KCNH8: variants seen among roughly 807,000 people sequenced by gnomAD.
The protein encoded by KCNH8 is voltage-gated delayed rectifier potassium channel KCNH8.
Under a neutral mutation model 103.6 loss-of-function variants are expected in KCNH8, and 70 were observed. The observed-to-expected ratio is 0.68, with a 90% confidence interval of 0.56 to 0.82. KCNH8 has a LOEUF of 0.82. Ranked by LOEUF, KCNH8 falls within the 40% of genes least tolerant of loss-of-function variation. The pLI is 0.00. For synonymous variants in KCNH8, 498 were observed against 489.4 expected (o/e 1.02, Z -0.23); for missense variants, 1,217 against 1,329.9 (o/e 0.92, Z 1.32).
intron 1 of KCNH8, among the ~76,000 whole-genome samples, chr3:19,240,387 C>T (rs947262903): frequency 2.6e-5 from 4 of 151,918 alleles, no homozygotes; most frequent in East Asian, 1.9e-4. Flanking sequence ...CCGAGGTGAG[C>T]GGATCGCCTG....
At chr3:19,305,211 A>G (rs2065114910) in intron 3 of KCNH8, among the ~76,000 whole-genome samples, 1 of 152,172 alleles carries the variant, frequency 6.6e-6, no homozygotes. Flanking sequence ...TAAAAATTCT[A>G]AATGAGTATG....
At chr3:19,438,396 A>C (rs755397322) in intron 8 of KCNH8, 35 bp downstream of exon 8, 1 of 1,536,506 alleles carries the variant, frequency 6.5e-7, no homozygotes, top group Admixed American at 1.8e-5. Flanking sequence ...TAAGAAGAGG[A>C]ACTATGCCTA....
At chr3:19,507,832 GA>G (rs2068721808) in intron 11 of KCNH8, among the ~76,000 whole-genome samples, 2 of 152,180 alleles carry the variant, frequency 1.3e-5, no homozygotes, top group South Asian at 4.1e-4. Flanking sequence ...AGGGCTGCAA[GA>G]CAGCAAAAAT....
rs57766729 is a variant in KCNH8 at position 19,472,195 on chromosome 3, CGTGTGTGTGTGTGTGTGTGTGTGTGT to C, written c.2040+15240_2040+15265del. ...CTTATTGGAATTTAATCACTTCATT[CGTGTGTGTGTGTGTGTGTGTGTGTGT>C]GTGTGTGTGTGTGTGTGTGTGTGTG... On this transcript the variant is annotated intron_variant, in intron 11 of 15. Transcript: ENST00000328405. 1.9e-3 allele frequency among the ~76,000 whole-genome samples: 259 copies of C among 137,486 alleles called. 2 individuals carry two copies. Among genetic ancestry groups the C allele is most frequent in the Non-Finnish European group, 3.2e-3 (199 of 63,122 alleles). The allele number at this position is 137,486 out of a possible 152,430, so 90.2% of individuals were successfully genotyped here. A position where few individuals can be genotyped will look rare whatever the true frequency, so the allele number is the denominator to read the frequency against.
At chr3:19,166,372 T>C (rs1343983499) in intron 1 of KCNH8, among the ~76,000 whole-genome samples, 1 of 152,216 alleles carries the variant, frequency 6.6e-6, no homozygotes, top group Non-Finnish European at 1.5e-5. Context: ...TATTTCAATA[T>C]GATTAAAAAC....
intron 11 of KCNH8, among the ~76,000 whole-genome samples, chr3:19,489,340 TTAAC>T (rs1287992298): frequency 7.9e-5 from 12 of 152,100 alleles, no homozygotes; most frequent in Admixed American, 2.0e-4. Context: ...AGAACCTTCC[TTAAC>T]TAACTGTCCC....
At chr3:19,533,199 G>A (rs1268816237) in intron 15 of KCNH8, among the ~76,000 whole-genome samples, 196 bp from the exon 16 acceptor site, 12 of 132,582 alleles carry the variant, frequency 9.1e-5, no homozygotes, top group Admixed American at 6.6e-4. Context: ...GTGAGACTCC[G>A]TCTCAAAAAA....
intron 1 of KCNH8, among the ~76,000 whole-genome samples, chr3:19,157,646 G>A (rs1319210893): frequency 3.9e-5 from 6 of 151,936 alleles, no homozygotes; most frequent in Admixed American, 3.3e-4. Context: ...CACTTGAATT[G>A]TTTTCAAATT....
chr3:19,312,056 T>C (rs139031771), intron 3 of KCNH8, among the ~76,000 whole-genome samples: 1 of 152,056 alleles, frequency 6.6e-6, no homozygotes, highest in African/African-American at 2.4e-5. Flanking sequence ...TTATATATTA[T>C]GTAATATTGA....
intron 7 of KCNH8, among the ~76,000 whole-genome samples, chr3:19,434,148 T>C (rs989248060): frequency 6.6e-6 from 1 of 152,152 alleles, no homozygotes; most frequent in Non-Finnish European, 1.5e-5. Flanking sequence ...AAAAGTGTTT[T>C]TAAAGCAAAA....
At chr3:19,384,303 C>CT (rs1263828838) in intron 5 of KCNH8, among the ~76,000 whole-genome samples, 1 of 152,170 alleles carries the variant, frequency 6.6e-6, no homozygotes, top group Non-Finnish European at 1.5e-5. Flanking sequence ...AAAAGGCATG[C>CT]TTCTCTTGGA....
chr3:19,299,187 T>G (rs1393102685), intron 3 of KCNH8, among the ~76,000 whole-genome samples: 1 of 151,932 alleles, frequency 6.6e-6, no homozygotes, highest in Admixed American at 6.6e-5. Context: ...CATGAGAAAA[T>G]AAAAAGAAAA....
At chr3:19,303,498 G>T (rs1178789833) in intron 3 of KCNH8, among the ~76,000 whole-genome samples, 1 of 152,076 alleles carries the variant, frequency 6.6e-6, no homozygotes, top group Non-Finnish European at 1.5e-5. Flanking sequence ...TGGTACCTTT[G>T]GAAGTGATTA....
At chr3:19,435,924 T>A (rs1185670060) in intron 7 of KCNH8, among the ~76,000 whole-genome samples, 1 of 152,156 alleles carries the variant, frequency 6.6e-6, no homozygotes, top group Non-Finnish European at 1.5e-5. Flanking sequence ...AATGCACACA[T>A]ATAAATAGTA....
chr3:19,294,037 T>A (rs1266994820), intron 3 of KCNH8, among the ~76,000 whole-genome samples: 1 of 152,202 alleles, frequency 6.6e-6, no homozygotes, highest in Non-Finnish European at 1.5e-5. Flanking sequence ...CTTGATTTAA[T>A]TCAAAGACGA....
At chr3:19,514,995 TTAA>T (rs1259525893) in intron 13 of KCNH8, among the ~76,000 whole-genome samples, 1 of 151,772 alleles carries the variant, frequency 6.6e-6, no homozygotes, top group East Asian at 1.9e-4. Flanking sequence ...GAAATTAATT[TTAA>T]TAATATATTT....
chr3:19,258,947 C>CTCTCTATATATATATATATATATA (rs1321918245), intron 2 of KCNH8, among the ~76,000 whole-genome samples: 1 of 24,802 alleles, frequency 4.0e-5, no homozygotes, highest in Non-Finnish European at 8.0e-5. Context: ...CTCTCTCTCT[C>CTCTCTATATATATATATATATATA]TATATATATA....
At chr3:19,506,432 A>AT (rs768813887) in intron 11 of KCNH8, among the ~76,000 whole-genome samples, 9 of 152,094 alleles carry the variant, frequency 5.9e-5, no homozygotes, top group Non-Finnish European at 1.2e-4. Context: ...TACCAAAAGT[A>AT]TTTTTGCTGT....
intron 11 of KCNH8, among the ~76,000 whole-genome samples, chr3:19,505,733 T>C (rs993740900): frequency 3.9e-5 from 6 of 152,190 alleles, no homozygotes; most frequent in Non-Finnish European, 7.3e-5. Flanking sequence ...AAGGTTTGCA[T>C]GGATGATATT....
Sources: gnomAD v4.1 joint callset for allele counts (sites outside exome capture counted in the v4.1 genomes callset) on GRCh38, gnomAD v4.1.1 for gene constraint, MANE v1.5 for transcripts, NCBI Gene and HGNC (gene_info 2026-07-23, HGNC 2026-07-21) for gene names.